Variants in SLC44A1 observed in about 807,000 individuals in gnomAD.
SLC44A1 encodes choline transporter-like protein 1.
SLC44A1 carries 26 observed loss-of-function variants against 79.3 expected under a neutral mutation model. The observed-to-expected ratio is 0.33, with a 90% CI of 0.24 to 0.46. The LOEUF is 0.46. Ranked by LOEUF, SLC44A1 falls within the 20% of genes least tolerant of loss-of-function variation. SLC44A1 has a pLI of 1.00. For synonymous variants in SLC44A1, 263 were observed against 286.2 expected (o/e 0.92, Z 0.82); for missense variants, 688 against 798.1 (o/e 0.86, Z 1.66).
chr9:105,316,962 G>T (rs1831344509), intron 3 of SLC44A1, among the ~76,000 whole-genome samples: 1 of 152,210 alleles, frequency 6.6e-6, no homozygotes, highest in African/African-American at 2.4e-5. Context: ...TTAGCTGGTT[G>T]CTGTGGGTTT....
chr9:105,275,028 TTAACAA>T (rs1485480825), intron 1 of SLC44A1, among the ~76,000 whole-genome samples: 1 of 152,176 alleles, frequency 6.6e-6, no homozygotes, highest in Non-Finnish European at 1.5e-5. Context: ...GTTTAAATTC[TTAACAA>T]TAATGATATA....
At chr9:105,365,395 T>C in intron 10 of SLC44A1, 88 bp from the exon 11 acceptor site, 1 of 977,676 alleles carries the variant, frequency 1.0e-6, no homozygotes, top group East Asian at 2.4e-5. Flanking sequence ...GATTTTTTTT[T>C]TCACTGCGTT....
Position 105,322,776 on chromosome 9 carries a change from A to G in SLC44A1, c.270-12787A>G, listed in dbSNP as rs551109555. Among the ~76,000 whole-genome samples, 49 of 152,300 alleles carry G rather than the reference A, an allele frequency of 3.2e-4. 1 individual carries two copies. In the South Asian group the frequency reaches 0.01, roughly 32 times the overall value. On this transcript the variant is annotated intron_variant, in intron 3 of 15. Transcript: ENST00000374720. ...TCATACCATGCAAAATAAGTTCCAC[A>G]TGGGTTAAATATTTTAAAATCAATG...
intron 1 of SLC44A1, among the ~76,000 whole-genome samples, chr9:105,292,822 C>G (rs946664784): frequency 6.6e-6 from 1 of 152,150 alleles, no homozygotes; most frequent in Non-Finnish European, 1.5e-5. Flanking sequence ...CTTGTTGCAT[C>G]TCAAGTATTT....
Position 105,327,642 on chromosome 9 carries a change from T to C in SLC44A1, c.270-7921T>C, listed in dbSNP as rs145753273. ...CTATGAACCATCCTGACCATTTTCT[T>C]GTTTTCAGCTGTGCCATGCTCCCTT... On this transcript the variant is annotated intron_variant, in intron 3 of 15. Transcript: ENST00000374720. 1.1e-3 allele frequency among the ~76,000 whole-genome samples: 167 copies of C among 152,300 alleles called. 2 individuals are homozygous for C. The highest frequency in any genetic ancestry group is 3.6e-3 in the African/African-American group (151 of 41,570).
intron 1 of SLC44A1, among the ~76,000 whole-genome samples, chr9:105,289,395 C>A (rs1830551423): frequency 6.6e-6 from 1 of 152,160 alleles, no homozygotes; most frequent in Admixed American, 6.5e-5. Context: ...TTTCTATAAA[C>A]AATGTTAATC....
intron 3 of SLC44A1, among the ~76,000 whole-genome samples, chr9:105,325,076 T>G (rs1826529731): frequency 6.6e-6 from 1 of 152,190 alleles, no homozygotes; most frequent in Non-Finnish European, 1.5e-5. Context: ...CTGCAGCATC[T>G]AATAGCCAAA....
chr9:105,436,210 C>T (rs1384600368), intron 15 of SLC44A1, among the ~76,000 whole-genome samples: 1 of 151,564 alleles, frequency 6.6e-6, no homozygotes, highest in South Asian at 2.1e-4. Context: ...AAACAGAAAA[C>T]AAAAAAAAGT....
rs544197584 is a variant in SLC44A1 at position 105,295,207 on chromosome 9, A to G, written c.37-4013A>G. On this transcript the variant is annotated intron_variant, in intron 1 of 15. Coordinates refer to ENST00000374720, the MANE Select transcript of SLC44A1 (RefSeq NM_080546.5). The stretch of plus-strand genomic sequence containing the variant: ...ATTAACAGAATTGTTTTAGGAATCA[A>G]ATGCGGTCATAGATAATATAAATGT... Among the ~76,000 whole-genome samples the G allele has an allele frequency of 2.6e-5, 4 of 152,348 alleles. No homozygotes were observed. In the East Asian group the frequency reaches 7.7e-4, roughly 29 times the overall value.
chr9:105,359,472 A>T (rs560258146), intron 7 of SLC44A1, among the ~76,000 whole-genome samples: 1 of 152,308 alleles, frequency 6.6e-6, no homozygotes, highest in East Asian at 1.9e-4. Flanking sequence ...AAGATTCAGA[A>T]TTAGACAAAA....
chr9:105,374,551 A>AG, intron 12 of SLC44A1, 47 bp from the exon 13 acceptor site: 1 of 1,582,340 alleles, frequency 6.3e-7, no homozygotes, highest in Non-Finnish European at 8.6e-7. Flanking sequence ...ATCTTAACAA[A>AG]GGAAGTTTCA....
In SLC44A1 at chr9:105,257,528, C is replaced by T. The variant is rs563910618; in HGVS notation, c.36+12624C>T. Among the ~76,000 whole-genome samples, 329 of 152,304 alleles carry T rather than the reference C, an allele frequency of 2.2e-3. 2 individuals are homozygous for T. Among genetic ancestry groups the T allele is most frequent in the African/African-American group, 7.5e-3 (311 of 41,570 alleles). ...TACAGGCATGAGCTACCGTGCCTGGCTCCCAGATTGTAAACTGTGTCTAGA... is the reference window on the plus strand; with the variant it reads ...TACAGGCATGAGCTACCGTGCCTGGTTCCCAGATTGTAAACTGTGTCTAGA... On this transcript the variant is annotated intron_variant, in intron 1 of 15. Coordinates refer to ENST00000374720, the MANE Select transcript of SLC44A1 (RefSeq NM_080546.5).
intron 1 of SLC44A1, among the ~76,000 whole-genome samples, chr9:105,251,310 T>G (rs1308458465): frequency 6.6e-6 from 1 of 152,118 alleles, no homozygotes; most frequent in Non-Finnish European, 1.5e-5. Context: ...CTCTCACTCT[T>G]CTATATCTAG....
Position 105,391,741 on chromosome 9 carries a change from C to T in SLC44A1, c.*2685C>T. ...GCTATTCGCTCACTGCTTCCATCTTCTGCCCAAGTGAGAAGAATAGATGAA... is the reference window on the plus strand; with the variant it reads ...GCTATTCGCTCACTGCTTCCATCTTTTGCCCAAGTGAGAAGAATAGATGAA... On this transcript the variant is annotated 3_prime_UTR_variant, in exon 16 of 16. Transcript: ENST00000374720. 1 of 985,358 alleles carries T rather than the reference C, an allele frequency of 1.0e-6. No homozygotes were observed. Among genetic ancestry groups the T allele is most frequent in the Non-Finnish European group, 1.2e-6 (1 of 829,910 alleles). The allele number at this position is 985,358 out of a possible 1,614,324, so 61.0% of individuals were successfully genotyped here.
chr9:105,398,539 AG>A (rs1223616145), downstream of SLC44A1, among the ~76,000 whole-genome samples: 4 of 152,234 alleles, frequency 2.6e-5, no homozygotes, highest in African/African-American at 9.6e-5. Flanking sequence ...CACATCTGAA[AG>A]GTACCTGAAA....
intron 15 of SLC44A1, among the ~76,000 whole-genome samples, chr9:105,436,035 T>A (rs1286052886): frequency 1.3e-5 from 2 of 152,234 alleles, no homozygotes; most frequent in Middle Eastern, 3.4e-3. Context: ...CCATCTCTAC[T>A]GAAAATACAA....
chr9:105,260,763 G>A (rs765300498), intron 1 of SLC44A1, among the ~76,000 whole-genome samples: 6 of 152,294 alleles, frequency 3.9e-5, no homozygotes, highest in South Asian at 2.1e-4. Context: ...AAGAAGGGGA[G>A]CTATGATCTG....
chr9:105,267,117 A>G (rs1470680249), intron 1 of SLC44A1, among the ~76,000 whole-genome samples: 1 of 152,054 alleles, frequency 6.6e-6, no homozygotes, highest in East Asian at 1.9e-4. Context: ...GCATGTTTTT[A>G]TTTTTATGTC....
intron 5 of SLC44A1, among the ~76,000 whole-genome samples, chr9:105,353,881 T>G (rs891344805): frequency 1.5e-4 from 23 of 151,964 alleles, no homozygotes; most frequent in African/African-American, 5.3e-4. Flanking sequence ...AGGCTTTATT[T>G]TAAAAATATG....
Sources: allele counts gnomAD v4.1 joint callset (sites outside exome capture counted in the v4.1 genomes callset), GRCh38; gene constraint gnomAD v4.1.1; transcripts MANE v1.5; gene names NCBI Gene and HGNC (gene_info 2026-07-23, HGNC 2026-07-21).